INPP4B: variants seen among roughly 807,000 people sequenced by gnomAD.
INPP4B encodes the protein inositol polyphosphate 4-phosphatase type II.
Under a neutral mutation model 122.5 loss-of-function variants are expected in INPP4B, and 55 were observed. That is an observed-to-expected ratio of 0.45 (90% CI 0.36 to 0.56). The LOEUF (loss-of-function observed/expected upper bound fraction) is 0.56. INPP4B is among the 20% of genes least tolerant of loss of function. The pLI, the probability that INPP4B is intolerant of heterozygous loss-of-function variation, is 0.00. For missense variants in INPP4B, 1,000 were observed against 1,097.7 expected (o/e 0.91, Z 1.26); for synonymous variants, 403 against 388.7 (o/e 1.04, Z -0.43).
chr4:142,175,212 C>CATG (rs1827557291), intron 15 of INPP4B, among the ~76,000 whole-genome samples: 1 of 152,108 alleles, frequency 6.6e-6, no homozygotes, highest in Non-Finnish European at 1.5e-5. Flanking sequence ...TTTTTATCAG[C>CATG]TCAATTATTT....
intron 7 of INPP4B, among the ~76,000 whole-genome samples, chr4:142,323,307 A>T (rs548355292): frequency 1.1e-4 from 17 of 152,120 alleles, no homozygotes; most frequent in Non-Finnish European, 2.2e-4. Flanking sequence ...CAATTCATTT[A>T]TGTGTACATT....
chr4:142,712,569 G>A (rs1763245792), intron 2 of INPP4B, among the ~76,000 whole-genome samples: 1 of 151,990 alleles, frequency 6.6e-6, no homozygotes, highest in Non-Finnish European at 1.5e-5. Context: ...CCTGGCAATA[G>A]CCCACCATTG....
At chr4:142,524,090 C>T (rs1372291573) in intron 2 of INPP4B, among the ~76,000 whole-genome samples, 3 of 151,596 alleles carry the variant, frequency 2.0e-5, no homozygotes, top group East Asian at 1.9e-4. Context: ...CAAGTCTTTG[C>T]TATTGTGAAT....
chr4:142,416,118 C>T (rs1024444050), intron 5 of INPP4B, among the ~76,000 whole-genome samples: 39 of 152,054 alleles, frequency 2.6e-4, no homozygotes, highest in Admixed American at 1.0e-3. Context: ...CTAACCTGCA[C>T]GTTGTGCACA....
chr4:142,762,496 T>A (rs1201137983), intron 1 of INPP4B, among the ~76,000 whole-genome samples: 1 of 152,166 alleles, frequency 6.6e-6, no homozygotes, highest in African/African-American at 2.4e-5. Flanking sequence ...TGCCTCTGGA[T>A]AAAGCTCGCT....
At chr4:142,037,932 A>G (rs562010386) in intron 25 of INPP4B, among the ~76,000 whole-genome samples, 1 of 152,292 alleles carries the variant, frequency 6.6e-6, no homozygotes, top group Non-Finnish European at 1.5e-5. Context: ...TTTCTAGATG[A>G]GGAAATAAAT....
At chr4:142,689,121 G>A (rs1046210357) in intron 2 of INPP4B, among the ~76,000 whole-genome samples, 6 of 152,126 alleles carry the variant, frequency 3.9e-5, no homozygotes, top group African/African-American at 1.4e-4. Flanking sequence ...CATACAGCCA[G>A]CTAAACTCTT....
chr4:142,581,171 CT>C (rs1370765231), intron 2 of INPP4B, among the ~76,000 whole-genome samples: 1 of 152,046 alleles, frequency 6.6e-6, no homozygotes, highest in Non-Finnish European at 1.5e-5. Flanking sequence ...AAAAAATATA[CT>C]TTTGTTTACT....
At chr4:142,740,223 T>G (rs973183973) in intron 1 of INPP4B, among the ~76,000 whole-genome samples, 6 of 151,966 alleles carry the variant, frequency 3.9e-5, no homozygotes, top group African/African-American at 1.2e-4. Context: ...CCAAAAAATC[T>G]AAATTCAAAA....
At chr4:142,153,784 TA>T (rs1815692003) in intron 17 of INPP4B, among the ~76,000 whole-genome samples, 1 of 152,228 alleles carries the variant, frequency 6.6e-6, no homozygotes, top group Admixed American at 6.5e-5. Context: ...TTAGGTGTTA[TA>T]AAACAGGGTT....
chr4:142,398,336 G>A (rs1800088479), intron 7 of INPP4B, among the ~76,000 whole-genome samples: 1 of 130,752 alleles, frequency 7.6e-6, no homozygotes, highest in South Asian at 2.5e-4. Context: ...CGAGATCGTG[G>A]CACTGCACTC....
At chr4:142,101,477 A>T (rs1784450357) in intron 23 of INPP4B, among the ~76,000 whole-genome samples, 1 of 152,128 alleles carries the variant, frequency 6.6e-6, no homozygotes, top group African/African-American at 2.4e-5. Context: ...TGTACCAACT[A>T]TATATCAATT....
chr4:142,476,453 C>A (rs1481714345), intron 2 of INPP4B, among the ~76,000 whole-genome samples: 4 of 152,062 alleles, frequency 2.6e-5, no homozygotes, highest in Non-Finnish European at 5.9e-5. Flanking sequence ...AACCAGCTAA[C>A]AACACAAGGA....
intron 1 of INPP4B, among the ~76,000 whole-genome samples, chr4:142,737,874 G>T (rs1404573331): frequency 1.3e-5 from 2 of 152,130 alleles, no homozygotes; most frequent in Non-Finnish European, 1.5e-5. Flanking sequence ...ATCATCACTG[G>T]CCATCAGAGA....
intron 11 of INPP4B, among the ~76,000 whole-genome samples, chr4:142,241,374 T>G (rs1859320756): frequency 6.6e-6 from 1 of 152,172 alleles, no homozygotes; most frequent in African/African-American, 2.4e-5. Flanking sequence ...GTCCAGATCT[T>G]GATTGACACA....
At chr4:142,086,596 C>T (rs1776911088) in intron 23 of INPP4B, among the ~76,000 whole-genome samples, 2 of 152,346 alleles carry the variant, frequency 1.3e-5, no homozygotes, top group South Asian at 2.1e-4. Flanking sequence ...CTCAAACAAA[C>T]TGCCTATCTT....
At chr4:142,437,169 A>C (rs534915462) in intron 3 of INPP4B, among the ~76,000 whole-genome samples, 1 of 152,196 alleles carries the variant, frequency 6.6e-6, no homozygotes, top group Admixed American at 6.5e-5. Context: ...TCAGAGATTG[A>C]AGACTATCTT....
chr4:142,330,993 T>C (rs1182197918), intron 7 of INPP4B, among the ~76,000 whole-genome samples: 1 of 152,214 alleles, frequency 6.6e-6, no homozygotes, highest in African/African-American at 2.4e-5. Context: ...TTTTCACTTC[T>C]TAAAGTGAAT....
At chr4:142,085,649 T>C (rs764621345) in intron 24 of INPP4B, among the ~76,000 whole-genome samples, 25 of 152,150 alleles carry the variant, frequency 1.6e-4, no homozygotes, top group Non-Finnish European at 3.2e-4. Context: ...ATATAGTTCA[T>C]TACCCCAAGA....
Sources: allele counts gnomAD v4.1 joint callset (sites outside exome capture counted in the v4.1 genomes callset), GRCh38; gene constraint gnomAD v4.1.1; transcripts MANE v1.5; gene names NCBI Gene and HGNC (gene_info 2026-07-23, HGNC 2026-07-21).